SHISA5: variants seen among roughly 807,000 people sequenced by gnomAD.
SHISA5 encodes the protein shisa family member 5, also known as protein shisa-5.
A neutral mutation model predicts 27.5 loss-of-function variants in SHISA5; 21 were observed. The observed-to-expected ratio is 0.76, with a 90% CI of 0.54 to 1.10. The LOEUF (loss-of-function observed/expected upper bound fraction) is 1.10. SHISA5 is among the 50% of genes least tolerant of loss of function. The pLI is 0.00. For missense variants in SHISA5, 314 were observed against 336.3 expected, an observed-to-expected ratio of 0.93 and a Z score of 0.52; for synonymous variants, 137 against 142.2, an observed-to-expected ratio of 0.96 and a Z score of 0.26.
At chr3:48,504,512 G>A (rs1323732472), upstream of SHISA5, 8 of 161,484 alleles carry the variant, frequency 5.0e-5, no homozygotes, top group Non-Finnish European at 1.1e-4. The surrounding 1 kb of genome is among the most constrained non-coding windows in gnomAD (Gnocchi z 4.0). Context: ...CGCCTACTGT[G>A]TGGGCTGGGG....
At position 48,469,410 on chromosome 3, in the gene SHISA5, AGGT is replaced by A. The variant is rs757622939; in HGVS notation, c.591_593del (p.Pro198del). 2.0e-5 allele frequency: 32 copies of A among 1,608,568 alleles called. No individual in the cohort carries two copies. The highest frequency in any genetic ancestry group is 4.0e-5 in the African/African-American group (3 of 74,800). Reference sequence around the variant, plus strand: ...GTGGGCCCATGGGCTGGGCTGGGTAAGGTGGTGGGTACTGCATTGGGTAGGGTG... The same window carrying A: ...GTGGGCCCATGGGCTGGGCTGGGTAAGGTGGGTACTGCATTGGGTAGGGTG... On this transcript the variant is annotated inframe_deletion, in exon 5 of 6. Coordinates refer to ENST00000296444, the MANE Select transcript of SHISA5 (RefSeq NM_016479.6). The surrounding 1 kb of genome is among the most constrained non-coding windows in gnomAD (Gnocchi z 4.6).
rs555327710 is a variant in SHISA5 at position 48,478,213 on chromosome 3, C to A, written c.314+964G>T. Among the ~76,000 whole-genome samples, 249 of 152,284 alleles carry A rather than the reference C, an allele frequency of 1.6e-3. 1 individual carries two copies. Among genetic ancestry groups the A allele is most frequent in the Middle Eastern group, 3.4e-3 (1 of 294 alleles). On this transcript the variant is annotated intron_variant, in intron 3 of 5. Coordinates refer to ENST00000296444, the MANE Select transcript of SHISA5 (RefSeq NM_016479.6). ...GGAAGGCCTGTAGAGATCTCAGGCT[C>A]CAACCAGCCCTGAGGTGTTGAGGAG...
rs192087749 is a variant in SHISA5, at chr3:48,473,826, C to T, written c.315-3983G>A. Among the ~76,000 whole-genome samples the T allele has an allele frequency of 2.2e-4, 34 of 152,048 alleles. No homozygotes were observed. The highest frequency in any genetic ancestry group is 1.0e-3 in the Admixed American group (16 of 15,276). ...CTGCAATCCCAGCACTTTGGGAGGC[C>T]GAGGCTTTTGGGAAGCTTGAGCCCA... On this transcript the variant is annotated intron_variant, in intron 3 of 5. Coordinates refer to ENST00000296444, the MANE Select transcript of SHISA5 (RefSeq NM_016479.6). This position sits in a 1 kb window ranked among gnomAD's most constrained non-coding sequence, Gnocchi z 4.3.
At position 48,470,956 on chromosome 3, in the gene SHISA5, C is replaced by G. The variant is rs191741983; in HGVS notation, c.315-1113G>C. ...ATGAAAGAAAAAAAAAAAAACCTGA[C>G]TTCCAAATGCAGACAGAGCCCCTTA... On this transcript the variant is annotated intron_variant, in intron 3 of 5. Coordinates refer to ENST00000296444, the MANE Select transcript of SHISA5 (RefSeq NM_016479.6). This position sits in a 1 kb window ranked among gnomAD's most constrained non-coding sequence, Gnocchi z 4.3. Among the ~76,000 whole-genome samples the G allele has an allele frequency of 6.1e-3, 921 of 151,914 alleles. 6 individuals are homozygous for G. Among genetic ancestry groups the G allele is most frequent in the Non-Finnish European group, 9.6e-3 (650 of 67,924 alleles).
chr3:48,488,690 G>A (rs779179008), intron 2 of SHISA5, among the ~76,000 whole-genome samples: 35 of 151,374 alleles, frequency 2.3e-4, no homozygotes, highest in Non-Finnish European at 4.3e-4. Context: ...AAAATTAGCC[G>A]TGCGTGGTGG....
intron 2 of SHISA5, among the ~76,000 whole-genome samples, chr3:48,483,093 T>C (rs2041076226): frequency 6.8e-6 from 1 of 146,350 alleles, no homozygotes; most frequent in Non-Finnish European, 1.5e-5. Flanking sequence ...CCTAGCTAAT[T>C]TTTTTTTTTT....
Position 48,501,225 on chromosome 3 carries a change from A to G in SHISA5, c.145T>C (p.Cys49Arg), listed in dbSNP as rs1386685365. Residue 49 changes from cysteine (C) to arginine (R), a missense_variant, in exon 2 of 6, where the codon TGT becomes CGT. Transcript: ENST00000296444. ...LFPESCPDFC[C>R]GTCDDQYCCS... ...CAGTATTGGTCATCACAGGTACCAC[A>G]GCAGAAATCTGGACAGGACTCGGGG... 8 of 1,614,172 alleles carry G rather than the reference A, an allele frequency of 5.0e-6. No homozygotes were observed. Among genetic ancestry groups the G allele is most frequent in the Non-Finnish European group, 6.8e-6 (8 of 1,180,030 alleles).
intron 2 of SHISA5, among the ~76,000 whole-genome samples, chr3:48,494,347 G>C (rs926087108): frequency 2.1e-5 from 3 of 139,686 alleles, no homozygotes; most frequent in Non-Finnish European, 4.5e-5. Flanking sequence ...TGCCAGGCTA[G>C]AGTGCAGTGG....
chr3:48,473,137 T>C lies in SHISA5; in HGVS notation c.315-3294A>G. On this transcript the variant is annotated intron_variant, in intron 3 of 5. Coordinates refer to ENST00000296444, the MANE Select transcript of SHISA5 (RefSeq NM_016479.6). This position sits in a 1 kb window ranked among gnomAD's most constrained non-coding sequence, Gnocchi z 4.3. Reference sequence around the variant, plus strand: ...AAAAAGAAAGCAAATCTCCTCCAGATGACGTCAGCCACAGGAAGCACAGAC... The same window carrying C: ...AAAAAGAAAGCAAATCTCCTCCAGACGACGTCAGCCACAGGAAGCACAGAC... The C allele has an allele frequency of 6.8e-7, 1 of 1,463,444 alleles. No homozygotes were observed. Among genetic ancestry groups the C allele is most frequent in the Non-Finnish European group, 9.0e-7 (1 of 1,110,772 alleles). 90.7% of individuals were successfully genotyped at this position (1,463,444 alleles called of 1,614,324 possible). A position where few individuals can be genotyped will look rare whatever the true frequency, so the allele number is the denominator to read the frequency against.
Position 48,470,427 on chromosome 3 carries a change from G to A in SHISA5, c.315-584C>T, listed in dbSNP as rs1256653682. Among the ~76,000 whole-genome samples the A allele has an allele frequency of 3.3e-5, 5 of 152,330 alleles. No individual in the cohort carries two copies. Among genetic ancestry groups the A allele is most frequent in the Admixed American group, 2.6e-4 (4 of 15,308 alleles). On this transcript the variant is annotated intron_variant, in intron 3 of 5. Transcript: ENST00000296444. The surrounding 1 kb of genome is among the most constrained non-coding windows in gnomAD (Gnocchi z 4.3). ...GGGAGGCTGGCCCCTGAGTGATAAG[G>A]ACAGTTGCCTCTGCCTGCAAGCTTG...
chr3:48,496,270 C>A (rs1422842787), intron 2 of SHISA5, among the ~76,000 whole-genome samples: 1 of 143,676 alleles, frequency 7.0e-6, no homozygotes, highest in Non-Finnish European at 1.5e-5. Context: ...CCAGCCTGGG[C>A]AACAGAGTGC....
At chr3:48,503,191 G>A in intron 1 of SHISA5, 1 of 1,289,716 alleles carries the variant, frequency 7.8e-7, no homozygotes, top group Non-Finnish European at 1.0e-6. Flanking sequence ...CTCTGAGCTA[G>A]GGCTGAAGAC....
At chr3:48,501,043 A>G in intron 2 of SHISA5, 94 bp downstream of exon 2, 2 of 1,366,462 alleles carry the variant, frequency 1.5e-6, no homozygotes, top group Non-Finnish European at 2.0e-6. Flanking sequence ...GAGAGGGCTG[A>G]GAGGCCAGAG....
intron 2 of SHISA5, 193 bp from the exon 3 acceptor site, chr3:48,479,450 G>C (rs2040932234): frequency 8.3e-6 from 5 of 601,752 alleles, no homozygotes; most frequent in Admixed American, 5.7e-5. Context: ...GTGTCCACCA[G>C]ACTGTCTCCA....
intron 3 of SHISA5, among the ~76,000 whole-genome samples, chr3:48,477,650 G>T (rs1322025651): frequency 6.6e-6 from 1 of 152,166 alleles, no homozygotes; most frequent in Non-Finnish European, 1.5e-5. Context: ...ATTTCCAACT[G>T]CTCTTCAATC....
intron 3 of SHISA5, chr3:48,472,942 A>C: frequency 2.1e-6 from 3 of 1,413,036 alleles, no homozygotes; most frequent in Non-Finnish European, 2.9e-6. Flanking sequence ...CAAGGCCGTT[A>C]TCATCCCTCC....
Position 48,501,171 on chromosome 3 carries a change from A to C in SHISA5, c.199T>G (p.Trp67Gly), listed in dbSNP as rs1355471598. The C allele has an allele frequency of 1.9e-6, 3 of 1,613,972 alleles. No individual in the cohort carries two copies. In the South Asian group the frequency reaches 3.3e-5, roughly 18 times the overall value. The stretch of plus-strand genomic sequence containing the variant: ...GGCACAGCACACCTTTCCTCGCTCC[A>C]CACAAATTTCTTCAGCACGTCAGAG... ...CCSDVLKKFVWSEERCAVPEA... is the reference protein window; with the variant it reads ...CCSDVLKKFVGSEERCAVPEA... Residue 67 changes from tryptophan to glycine, a missense_variant, in exon 2 of 6, where the codon TGG (tryptophan) becomes GGG (glycine). By Grantham distance (184) the Trp-to-Gly change is radical. Coordinates refer to ENST00000296444, the MANE Select transcript of SHISA5 (RefSeq NM_016479.6).
In SHISA5 at chr3:48,473,375, T is replaced by A; in HGVS notation, c.315-3532A>T. 1.5e-6 allele frequency: 2 copies of A among 1,339,100 alleles called. No homozygotes were observed. The highest frequency in any genetic ancestry group is 2.5e-5 in the South Asian group (2 of 81,284). 83.0% of individuals were successfully genotyped at this position (1,339,100 alleles called of 1,614,324 possible). A position where few individuals can be genotyped will look rare whatever the true frequency, so the allele number is the denominator to read the frequency against. On this transcript the variant is annotated intron_variant, in intron 3 of 5. Transcript: ENST00000296444. The surrounding 1 kb of genome is among the most constrained non-coding windows in gnomAD (Gnocchi z 4.3). ...GGTCTAAGAGCCACCCCAGCCTCAG[T>A]GGGCCCCAACCACACTCTAGCTCAG...
At chr3:48,486,407 ATATATAT>A (rs1464431523) in intron 2 of SHISA5, among the ~76,000 whole-genome samples, 114 of 81,600 alleles carry the variant, frequency 1.4e-3, no homozygotes, top group Admixed American at 2.8e-3. Context: ...ATAATATATA[ATATATAT>A]TATATATTAT....
Sources: gnomAD v4.1 joint callset for allele counts (sites outside exome capture counted in the v4.1 genomes callset) on GRCh38, gnomAD v4.1.1 for gene constraint, Gnocchi (gnomAD v3.1) non-coding constraint, MANE v1.5 for transcripts, NCBI Gene and HGNC (gene_info 2026-07-23, HGNC 2026-07-21) for gene names.